SUPT3H: variants seen among roughly 807,000 people sequenced by gnomAD.
SUPT3H encodes the protein SPT3 homolog, SAGA and STAGA complex component.
Under a neutral mutation model 44.3 loss-of-function variants are expected in SUPT3H, and 44 were observed. The observed-to-expected ratio is 0.99, with a 90% CI of 0.78 to 1.28. SUPT3H has a LOEUF of 1.28. SUPT3H is among the 50% of genes most tolerant of loss of function. The probability of loss-of-function intolerance (pLI) is 0.00; values close to 1 mark genes in which losing one functional copy is unlikely to be tolerated. For missense variants in SUPT3H, 380 were observed against 387.1 expected (o/e 0.98, Z 0.15); for synonymous variants, 124 against 125.6 (o/e 0.99, Z 0.09).
At chr6:44,891,365 C>G (rs558272281) in intron 10 of SUPT3H, among the ~76,000 whole-genome samples, 2 of 152,064 alleles carry the variant, frequency 1.3e-5, no homozygotes, top group South Asian at 4.2e-4. Flanking sequence ...GAAAATAACC[C>G]AAGAATCAAT....
intron 6 of SUPT3H, among the ~76,000 whole-genome samples, chr6:45,000,058 ATG>A (rs1781809218): frequency 6.6e-6 from 1 of 151,930 alleles, no homozygotes; most frequent in African/African-American, 2.4e-5. Context: ...GCATATGTAA[ATG>A]TATATACACA....
chr6:45,341,247 T>C (rs971235397), intron 2 of SUPT3H, among the ~76,000 whole-genome samples: 3 of 152,214 alleles, frequency 2.0e-5, no homozygotes, highest in Non-Finnish European at 4.4e-5. Context: ...TGAGATTATA[T>C]TTTTCAGTCT....
intron 6 of SUPT3H, among the ~76,000 whole-genome samples, chr6:44,974,615 C>A (rs1005488975): frequency 6.6e-6 from 1 of 152,172 alleles, no homozygotes; most frequent in Non-Finnish European, 1.5e-5. Flanking sequence ...GTAATCCCCA[C>A]ACACCGGACA....
intron 3 of SUPT3H, among the ~76,000 whole-genome samples, chr6:45,067,162 A>G (rs993748540): frequency 2.8e-5 from 4 of 142,150 alleles, no homozygotes; most frequent in South Asian, 2.4e-4. Flanking sequence ...AACGCCGCAT[A>G]TCTACAACTA....
intron 2 of SUPT3H, among the ~76,000 whole-genome samples, chr6:45,204,038 A>T (rs971096710): frequency 3.9e-5 from 6 of 152,164 alleles, no homozygotes; most frequent in Admixed American, 3.3e-4. Context: ...ACTTGAGGTT[A>T]GGAGTTCAAG....
intron 2 of SUPT3H, chr6:45,328,445 G>T: frequency 6.9e-7 from 1 of 1,457,230 alleles, no homozygotes. Context: ...ACCAGCCACC[G>T]AGACCAACAG....
rs142930920 is a variant in SUPT3H, at chr6:44,865,129, C to A, written c.913-35272G>T. The stretch of plus-strand genomic sequence containing the variant: ...ATGCTGCCAGTCTCTTTGCTAAAAC[C>A]TAACAAGTGTCACCTTTGCTCCAGT... On this transcript the variant is annotated intron_variant, in intron 10 of 10. Transcript: ENST00000371459. Among the ~76,000 whole-genome samples, 989 of 152,304 alleles carry A rather than the reference C, an allele frequency of 6.5e-3. 11 individuals are homozygous for A. The highest frequency in any genetic ancestry group is 0.022 in the African/African-American group (934 of 41,554).
intron 2 of SUPT3H, among the ~76,000 whole-genome samples, chr6:45,348,298 C>T (rs1791297513): frequency 6.6e-6 from 1 of 151,906 alleles, no homozygotes; most frequent in Admixed American, 6.6e-5. Flanking sequence ...TATTTAATTT[C>T]TATTAAAGAA....
intron 10 of SUPT3H, among the ~76,000 whole-genome samples, chr6:44,864,914 TAATGGG>T (rs1775262907): frequency 2.6e-5 from 4 of 152,212 alleles, no homozygotes; most frequent in Non-Finnish European, 4.4e-5. Context: ...TCTCCTCATA[TAATGGG>T]ATCTTCTTTT....
intron 10 of SUPT3H, among the ~76,000 whole-genome samples, chr6:44,926,238 TA>T (rs1043918385): frequency 5.3e-5 from 8 of 152,034 alleles, no homozygotes; most frequent in Non-Finnish European, 1.2e-4. Context: ...TATAGTTGAA[TA>T]AAAAATAATT....
chr6:45,114,728 T>TA (rs1230821821), intron 2 of SUPT3H, among the ~76,000 whole-genome samples: 4 of 152,174 alleles, frequency 2.6e-5, no homozygotes, highest in Non-Finnish European at 5.9e-5. Flanking sequence ...TCTTAATAGA[T>TA]AGCAGCATAA....
At chr6:44,977,872 TAAG>T (rs1403768317) in intron 6 of SUPT3H, among the ~76,000 whole-genome samples, 1 of 152,190 alleles carries the variant, frequency 6.6e-6, no homozygotes, top group Non-Finnish European at 1.5e-5. Context: ...GTGGCCCTGA[TAAG>T]AAACTGGTTT....
chr6:45,229,839 C>T (rs1317822136), intron 2 of SUPT3H, among the ~76,000 whole-genome samples: 5 of 152,094 alleles, frequency 3.3e-5, no homozygotes, highest in African/African-American at 1.2e-4. Flanking sequence ...GTACAGGTAT[C>T]AAGTCCTCTA....
At chr6:45,139,373 G>A (rs1219682316) in intron 2 of SUPT3H, among the ~76,000 whole-genome samples, 1 of 152,186 alleles carries the variant, frequency 6.6e-6, no homozygotes, top group African/African-American at 2.4e-5. Flanking sequence ...GGTAGGGGAA[G>A]ATGGCAGAGA....
chr6:45,127,659 C>T (rs974443705), intron 2 of SUPT3H, among the ~76,000 whole-genome samples: 1 of 152,056 alleles, frequency 6.6e-6, no homozygotes, highest in Non-Finnish European at 1.5e-5. Flanking sequence ...TTCTCAGAGA[C>T]TTCTATTTTC....
intron 9 of SUPT3H, among the ~76,000 whole-genome samples, chr6:44,939,656 A>C (rs1000876796): frequency 1.3e-5 from 2 of 151,644 alleles, no homozygotes; most frequent in Admixed American, 6.6e-5. Flanking sequence ...TTCTTTGTAC[A>C]CATTTGGCTG....
At chr6:45,308,501 C>T (rs1783449733) in intron 2 of SUPT3H, among the ~76,000 whole-genome samples, 1 of 152,100 alleles carries the variant, frequency 6.6e-6, no homozygotes, top group Non-Finnish European at 1.5e-5. Context: ...AACTAAGCTT[C>T]ATAAGTGAAG....
At chr6:44,967,623 T>TG (rs1275187016) in intron 6 of SUPT3H, among the ~76,000 whole-genome samples, 10 of 152,362 alleles carry the variant, frequency 6.6e-5, no homozygotes, top group African/African-American at 2.2e-4. Context: ...TTAAATTCCA[T>TG]GTGCTCTCAC....
rs10563494 is a variant in SUPT3H, at chr6:45,299,948, AATAT to A, written c.101+65249_101+65252del. On this transcript the variant is annotated intron_variant, in intron 2 of 10. Coordinates refer to ENST00000371459, the MANE Select transcript of SUPT3H (RefSeq NM_003599.4). ...CTTTTATATGCGTATTATATATGTG[AATAT>A]ATATATATATGTGTGCACACACACA... Among the ~76,000 whole-genome samples the A allele has an allele frequency of 4.4e-4, 67 of 150,818 alleles. 1 individual carries two copies. In the East Asian group the frequency reaches 0.011, roughly 24 times the overall value.
Sources: gnomAD v4.1 joint callset for allele counts (sites outside exome capture counted in the v4.1 genomes callset) on GRCh38, gnomAD v4.1.1 for gene constraint, MANE v1.5 for transcripts, NCBI Gene and HGNC (gene_info 2026-07-23, HGNC 2026-07-21) for gene names.